The following DCAF1 variants were observed in gnomAD, a reference collection of about 807,000 sequenced individuals.
DCAF1 encodes DDB1 and CUL4 associated factor 1, also known as DDB1- and CUL4-associated factor 1.
DCAF1 carries 15 observed loss-of-function variants against 128.0 expected under a neutral mutation model. That is an observed-to-expected ratio of 0.12 (90% CI 0.08 to 0.18). DCAF1 has a LOEUF of 0.18. DCAF1 is among the 10% of genes least tolerant of loss of function. The pLI is 1.00. For missense variants in DCAF1, 988 were observed against 1,649.5 expected (o/e 0.60, Z 6.95); for synonymous variants, 610 against 603.0 (o/e 1.01, Z -0.17).
chr3:51,420,533 T>C lies in DCAF1; in HGVS notation c.2437A>G (p.Ile813Val), dbSNP rs1553632184. The C allele has an allele frequency of 6.2e-7, 1 of 1,613,962 alleles. No individual in the cohort carries two copies. Among genetic ancestry groups the C allele is most frequent in the Non-Finnish European group, 8.5e-7 (1 of 1,179,900 alleles). ...VKFCKYAAELIERVSGKPLLI... is the reference protein window; with the variant it reads ...VKFCKYAAELVERVSGKPLLI... ...AGTGGTTTTCCTGACACCCGTTCAA[T>C]GAGTTCAGCAGCATACTTGCAGAAC... Residue 813 changes from isoleucine to valine, a missense_variant, in exon 15 of 25, where the codon ATT becomes GTT. Physicochemically the swap from Ile to Val is conservative, Grantham distance 29 (BLOSUM62 3). Transcript: ENST00000684031. This position sits in a 1 kb window ranked among gnomAD's most constrained non-coding sequence, Gnocchi z 6.5.
intron 6 of DCAF1, among the ~76,000 whole-genome samples, chr3:51,461,127 C>T (rs1382873866): frequency 6.6e-6 from 1 of 151,452 alleles, no homozygotes; most frequent in Admixed American, 6.6e-5. Context: ...AACAGGCAAC[C>T]TACAGAATGG....
At chr3:51,468,808 C>T (rs1553647393) in intron 4 of DCAF1, among the ~76,000 whole-genome samples, 1 of 152,200 alleles carries the variant, frequency 6.6e-6, no homozygotes, top group African/African-American at 2.4e-5. Context: ...GTAAGCTCTA[C>T]TGAAAAATGT....
intron 3 of DCAF1, among the ~76,000 whole-genome samples, chr3:51,474,093 GCCA>G (rs1174373919): frequency 7.9e-5 from 12 of 151,828 alleles, no homozygotes; most frequent in African/African-American, 2.7e-4. Flanking sequence ...ACAGGTGTGA[GCCA>G]CCACATCTGG....
chr3:51,439,103 CCT>C (rs2107659348), intron 9 of DCAF1, among the ~76,000 whole-genome samples: 1 of 152,104 alleles, frequency 6.6e-6, no homozygotes, highest in African/African-American at 2.4e-5. Context: ...ATGTTTAGCC[CCT>C]GTGAAACCTT....
intron 6 of DCAF1, among the ~76,000 whole-genome samples, chr3:51,457,969 G>A (rs1164514000): frequency 1.3e-5 from 2 of 152,178 alleles, no homozygotes; most frequent in Non-Finnish European, 2.9e-5. Context: ...ATGCCAAATT[G>A]TAAAGACCAT....
chr3:51,415,000 C>A, intron 18 of DCAF1, 143 bp from the exon 19 acceptor site: 2 of 1,328,790 alleles, frequency 1.5e-6, no homozygotes, highest in Non-Finnish European at 2.0e-6. Flanking sequence ...TACTGCCTCC[C>A]AAAGTGCTGG....
intron 9 of DCAF1, among the ~76,000 whole-genome samples, chr3:51,440,511 T>TAGG (rs560608213): frequency 4.1e-4 from 63 of 152,194 alleles, no homozygotes; most frequent in Middle Eastern, 3.4e-3. Flanking sequence ...GAGGCTGAGG[T>TAGG]AGGATTGCTT....
chr3:51,419,185 A>AC (rs1553631587), intron 15 of DCAF1, among the ~76,000 whole-genome samples: 1 of 151,996 alleles, frequency 6.6e-6, no homozygotes, highest in Non-Finnish European at 1.5e-5. Flanking sequence ...ACATGGTAAA[A>AC]CCCCATCTCT....
At chr3:51,428,920 AC>A (rs1700140060) in intron 12 of DCAF1, among the ~76,000 whole-genome samples, 1 of 152,090 alleles carries the variant, frequency 6.6e-6, no homozygotes, top group South Asian at 2.1e-4. Flanking sequence ...GATCACCTGA[AC>A]CTGGGAGGTT....
intron 23 of DCAF1, among the ~76,000 whole-genome samples, chr3:51,408,333 T>C (rs1004513750): frequency 8.5e-5 from 13 of 152,244 alleles, no homozygotes; most frequent in African/African-American, 3.1e-4. Flanking sequence ...TCTGAATTTA[T>C]TTTGCTATAA....
At chr3:51,409,636 C>T (rs984810338) in intron 23 of DCAF1, among the ~76,000 whole-genome samples, 1 of 152,164 alleles carries the variant, frequency 6.6e-6, no homozygotes, top group African/African-American at 2.4e-5. Flanking sequence ...ACAAAGCAGT[C>T]GACAGCCACC....
intron 5 of DCAF1, 81 bp downstream of exon 5, chr3:51,466,722 G>A: frequency 1.4e-6 from 2 of 1,449,546 alleles, no homozygotes; most frequent in Non-Finnish European, 1.9e-6. Context: ...CTTAGGAGAA[G>A]GCAAACTATT....
chr3:51,449,194 TG>T (rs1387852231), intron 6 of DCAF1, among the ~76,000 whole-genome samples: 17 of 152,156 alleles, frequency 1.1e-4, no homozygotes, highest in Non-Finnish European at 2.1e-4. Flanking sequence ...GTGGTTAAAA[TG>T]AAATTTATTT....
intron 2 of DCAF1, among the ~76,000 whole-genome samples, chr3:51,490,786 C>A (rs1707543707): frequency 6.6e-6 from 1 of 151,912 alleles, no homozygotes; most frequent in South Asian, 2.1e-4. Context: ...ATTAGCTGAC[C>A]ATGGTGGCAG....
At chr3:51,410,584 A>C (rs1248505291) in intron 23 of DCAF1, among the ~76,000 whole-genome samples, 1 of 152,058 alleles carries the variant, frequency 6.6e-6, no homozygotes, top group Non-Finnish European at 1.5e-5. Context: ...CCTTTGCCCT[A>C]GTATTAGACT....
chr3:51,429,150 C>T lies in DCAF1; in HGVS notation c.1677+111G>A, dbSNP rs2107529370. The T allele has an allele frequency of 6.0e-6, 4 of 667,956 alleles. No homozygotes were observed. In the South Asian group the frequency reaches 6.6e-5, roughly 11 times the overall value. 41.4% of individuals were successfully genotyped at this position (667,956 alleles called of 1,614,324 possible). A position where few individuals can be genotyped will look rare whatever the true frequency, so the allele number is the denominator to read the frequency against. ...TTCTGCCTTCATACAGGGAAGTATA[C>T]TCCAACAATGGACATAGCACAGAGT... On this transcript the variant is annotated intron_variant, in intron 12 of 24. Transcript: ENST00000684031.
At chr3:51,500,363 A>G (rs1708735899), upstream of DCAF1, among the ~76,000 whole-genome samples, 1 of 152,090 alleles carries the variant, frequency 6.6e-6, no homozygotes, top group African/African-American at 2.4e-5. Flanking sequence ...CAGTACTGTA[A>G]TCGCCTGATA....
chr3:51,484,260 G>A (rs1462801299), intron 2 of DCAF1, among the ~76,000 whole-genome samples: 1 of 151,932 alleles, frequency 6.6e-6, no homozygotes, highest in Non-Finnish European at 1.5e-5. Flanking sequence ...ATCACCTGAG[G>A]TCAGGAGTTC....
chr3:51,452,522 C>T (rs1553641717), intron 6 of DCAF1, among the ~76,000 whole-genome samples: 10 of 152,102 alleles, frequency 6.6e-5, no homozygotes, highest in Non-Finnish European at 1.5e-5. Flanking sequence ...AGTCACTTCT[C>T]CCAATAAACC....
Sources: allele counts gnomAD v4.1 joint callset (sites outside exome capture counted in the v4.1 genomes callset), GRCh38; gene constraint gnomAD v4.1.1; non-coding constraint Gnocchi (gnomAD v3.1); transcripts MANE v1.5; gene names NCBI Gene and HGNC (gene_info 2026-07-23, HGNC 2026-07-21).